Variants in BAIAP2 observed in about 807,000 individuals in gnomAD.
The protein encoded by BAIAP2 is BAR/IMD domain containing adaptor protein 2, also known as BAR/IMD domain-containing adapter protein 2.
Under a neutral mutation model 63.0 loss-of-function variants are expected in BAIAP2, and 18 were observed. The observed-to-expected ratio is 0.29, with a 90% CI of 0.20 to 0.42. The LOEUF (loss-of-function observed/expected upper bound fraction) is 0.42, where lower values mean the gene tolerates loss of function less well. Ranked by LOEUF, BAIAP2 falls within the 10% of genes least tolerant of loss-of-function variation. BAIAP2 has a pLI of 1.00. For missense variants in BAIAP2, 610 were observed against 734.3 expected (o/e 0.83, Z 1.96); for synonymous variants, 386 against 307.6 (o/e 1.25, Z -2.67).
chr17:81,109,485 A>G (rs1188087498), intron 13 of BAIAP2: 1 of 985,256 alleles, frequency 1.0e-6, no homozygotes, highest in Admixed American at 6.2e-5. Flanking sequence ...GTTATCTCGC[A>G]TCCGACTTCC....
Position 81,103,930 on chromosome 17 carries a change from A to G in BAIAP2, c.888A>G (p.Thr296=), listed in dbSNP as rs768483453. The change falls in exon 9 of 14, where the codon ACA becomes ACG. Residue 296 remains threonine, a synonymous_variant. Transcript: ENST00000428708. The part of the protein sequence containing the change: ...FVGRMSAQES[T]PIMNGVTGPD... ...AGCGGATGTCTGCCCAGGAGAGCAC[A>G]CCCATCATGAACGGCGTCACAGGCC... is the stretch of plus-strand genomic sequence containing the variant. 53 of 1,612,930 alleles carry G rather than the reference A, an allele frequency of 3.3e-5. No individual in the cohort carries two copies. The highest frequency in any genetic ancestry group is 3.9e-5 in the Non-Finnish European group (46 of 1,180,006).
chr17:81,072,036 C>T (rs1304194620), intron 3 of BAIAP2, among the ~76,000 whole-genome samples: 2 of 152,226 alleles, frequency 1.3e-5, no homozygotes, highest in African/African-American at 2.4e-5. Flanking sequence ...GGGCCATCAT[C>T]GTGGTTGTGT....
chr17:81,050,564 CG>C (rs980184347), intron 1 of BAIAP2, among the ~76,000 whole-genome samples: 1 of 152,154 alleles, frequency 6.6e-6, no homozygotes, highest in African/African-American at 2.4e-5. Context: ...CTCTTCCACC[CG>C]GGGGCCTGTG....
chr17:81,040,934 T>C (rs1247926182), intron 1 of BAIAP2, among the ~76,000 whole-genome samples: 1 of 152,128 alleles, frequency 6.6e-6, no homozygotes, highest in Non-Finnish European at 1.5e-5. Flanking sequence ...GTGGAGATGG[T>C]GGGGAGGTAG....
intron 13 of BAIAP2, among the ~76,000 whole-genome samples, chr17:81,112,065 A>T (rs1430551564): frequency 6.6e-6 from 1 of 152,182 alleles, no homozygotes; most frequent in Non-Finnish European, 1.5e-5. Context: ...TGGGGACTGG[A>T]TGGAGATGCT....
chr17:81,103,437 G>A (rs1201028378), intron 7 of BAIAP2, 65 bp from the exon 8 acceptor site: 23 of 1,447,270 alleles, frequency 1.6e-5, no homozygotes, highest in African/African-American at 4.2e-5. Flanking sequence ...GGCCCTCAGC[G>A]CTGTGCCTGG....
intron 3 of BAIAP2, among the ~76,000 whole-genome samples, chr17:81,078,362 G>C (rs564952256): frequency 2.1e-4 from 29 of 140,952 alleles, no homozygotes; most frequent in East Asian, 4.4e-4. Context: ...GTTCCACCTC[G>C]GAGCTGGGTG....
intron 1 of BAIAP2, among the ~76,000 whole-genome samples, chr17:81,043,436 G>A (rs1461056339): frequency 1.3e-5 from 2 of 152,260 alleles, no homozygotes; most frequent in Non-Finnish European, 2.9e-5. Flanking sequence ...CCGTGGAGCA[G>A]AGCTGTGGGC....
At chr17:81,071,980 C>T (rs1233101169) in intron 3 of BAIAP2, among the ~76,000 whole-genome samples, 1 of 152,248 alleles carries the variant, frequency 6.6e-6, no homozygotes, top group Non-Finnish European at 1.5e-5. Flanking sequence ...GTGATCATCC[C>T]CCCCTCCCCC....
At chr17:81,073,228 C>G (rs554963421) in intron 3 of BAIAP2, among the ~76,000 whole-genome samples, 2 of 152,314 alleles carry the variant, frequency 1.3e-5, no homozygotes, top group South Asian at 4.1e-4. Flanking sequence ...ACCTTCCCCA[C>G]CACTGTGGTC....
chr17:81,115,721 C>T, intron 13 of BAIAP2, 49 bp from the exon 14 acceptor site: 2 of 1,610,752 alleles, frequency 1.2e-6, no homozygotes, highest in Non-Finnish European at 1.7e-6. Flanking sequence ...TGGCACAATT[C>T]ACCCATGGCT....
intron 10 of BAIAP2, chr17:81,104,973 A>AGGGGAATCCCT: frequency 2.3e-6 from 1 of 438,154 alleles, no homozygotes. Flanking sequence ...ATCTCCCCCC[A>AGGGGAATCCCT]ACAGCAGGGA....
At chr17:81,106,646 G>T in intron 11 of BAIAP2, 99 bp from the exon 12 acceptor site, 3 of 1,423,296 alleles carry the variant, frequency 2.1e-6, no homozygotes, top group Non-Finnish European at 2.9e-6. Context: ...CGCATGTGGC[G>T]TGGGCTAGGT....
chr17:81,072,962 A>G (rs372851343), intron 3 of BAIAP2, among the ~76,000 whole-genome samples: 1 of 151,994 alleles, frequency 6.6e-6, no homozygotes, highest in African/African-American at 2.4e-5. Flanking sequence ...CGCTTCCCTG[A>G]TGAGAAAATG....
chr17:81,109,689 G>A (rs1474338819), intron 13 of BAIAP2: 8 of 985,228 alleles, frequency 8.1e-6, no homozygotes, highest in African/African-American at 1.7e-5. Context: ...CGGGCCAGGT[G>A]TACATAGAGC....
At chr17:81,055,574 G>GTTT (rs1555657874) in intron 2 of BAIAP2, among the ~76,000 whole-genome samples, 4 of 123,406 alleles carry the variant, frequency 3.2e-5, no homozygotes, top group African/African-American at 1.1e-4. Flanking sequence ...AGGGTGTTTT[G>GTTT]TTTTTTTTTG....
chr17:81,114,812 C>T (rs761333337), intron 13 of BAIAP2, among the ~76,000 whole-genome samples: 23 of 152,194 alleles, frequency 1.5e-4, no homozygotes, highest in Non-Finnish European at 2.5e-4. Flanking sequence ...TGGACGGAGT[C>T]TGCCTGCCCG....
intron 3 of BAIAP2, among the ~76,000 whole-genome samples, chr17:81,062,007 A>G (rs746814673): frequency 4.2e-4 from 64 of 152,016 alleles, no homozygotes; most frequent in Admixed American, 1.3e-4. Flanking sequence ...CAGGGGTGCA[A>G]TCTCGGCTCA....
At chr17:81,085,120 C>T in intron 4 of BAIAP2, 2 of 587,682 alleles carry the variant, frequency 3.4e-6, no homozygotes, top group Non-Finnish European at 6.1e-6. Context: ...CAGTGGCAGC[C>T]ATGACACGCT....
Sources: gnomAD v4.1 joint callset for allele counts (sites outside exome capture counted in the v4.1 genomes callset) on GRCh38, gnomAD v4.1.1 for gene constraint, MANE v1.5 for transcripts, NCBI Gene and HGNC (gene_info 2026-07-23, HGNC 2026-07-21) for gene names.